DCTN1: variants seen among roughly 807,000 people sequenced by gnomAD.
The protein encoded by DCTN1 is dynactin subunit 1, also known as 150 kDa dynein-associated polypeptide.
DCTN1 carries 61 observed loss-of-function variants against 161.2 expected under a neutral mutation model. The ratio of observed to expected loss-of-function variants is 0.38; its 90% CI spans 0.31 to 0.47. DCTN1 has a LOEUF of 0.47. Among genes scored for constraint, DCTN1 ranks in the 20% least tolerant of loss-of-function variants. The probability of loss-of-function intolerance (pLI) is 0.99; values close to 1 mark genes in which losing one functional copy is unlikely to be tolerated. For missense variants in DCTN1, 1,404 were observed against 1,623.7 expected, an observed-to-expected ratio of 0.86 and a Z score of 2.33; for synonymous variants, 653 against 632.4, an observed-to-expected ratio of 1.03 and a Z score of -0.49.
At chr2:74,375,931 G>C (rs754047645) in intron 5 of DCTN1, among the ~76,000 whole-genome samples, 1 of 152,146 alleles carries the variant, frequency 6.6e-6, no homozygotes, top group Non-Finnish European at 1.5e-5. Flanking sequence ...ATAGGCTGAC[G>C]ACAAGGAAAT....
chr2:74,363,254 G>A, intron 28 of DCTN1, 40 bp downstream of exon 28: 3 of 1,614,040 alleles, frequency 1.9e-6, no homozygotes, highest in African/African-American at 1.3e-5. Context: ...GGGCAAATAT[G>A]CTCCATCTCC....
Position 74,369,080 on chromosome 2 carries a change from C to T in DCTN1, c.1701+18G>A, listed in dbSNP as rs370909293. ...TCATCCCAGGCAGGGCTCCCTCAGA[C>T]CCACACACTTTCCTGACCTTGGCAT... is the stretch of plus-strand genomic sequence containing the variant. On this transcript the variant is annotated intron_variant, in intron 15 of 31. Transcript: ENST00000628224. The surrounding 1 kb of genome is among the most constrained non-coding windows in gnomAD (Gnocchi z 4.9). The T allele has an allele frequency of 3.1e-6, 5 of 1,612,590 alleles. No homozygotes were observed. The African/African-American group carries it at 5.3e-5, about 17-fold the overall frequency.
Position 74,374,600 on chromosome 2 carries a change from C to T in DCTN1, c.415-260G>A, listed in dbSNP as rs527712828. 45 of 1,268,170 alleles carry T rather than the reference C, an allele frequency of 3.5e-5. No individual in the cohort carries two copies. In the Admixed American group the frequency reaches 7.0e-4, roughly 20 times the overall value. The allele number at this position is 1,268,170 out of a possible 1,614,324, so 78.6% of individuals were successfully genotyped here. A position where few individuals can be genotyped will look rare whatever the true frequency, so the allele number is the denominator to read the frequency against. On this transcript the variant is annotated intron_variant, in intron 5 of 31. Coordinates refer to ENST00000628224, the MANE Select transcript of DCTN1 (RefSeq NM_004082.5). The stretch of plus-strand genomic sequence containing the variant: ...CCCCGCAGACGTGCAGCTGGATCGC[C>T]AGGCTCCGGCAGGCACCGGAGCGGT...
Position 74,369,204 on chromosome 2 carries a change from C to G in DCTN1, c.1595G>C (p.Arg532Pro), listed in dbSNP as rs759306485. Residue 532 changes from arginine (R) to proline (P), a missense_variant, in exon 15 of 32, where the codon CGG becomes CCG. Transcript: ENST00000628224. The surrounding 1 kb of genome is among the most constrained non-coding windows in gnomAD (Gnocchi z 4.9). The part of the protein sequence containing the change: ...QLTAHLQDVN[R>P]ELTNQQEASV... Reference sequence around the variant, plus strand: ...TGCTTCCTGCTGGTTTGTCAGTTCCCGATTCACATCCTAGGAGGAGAGACA... The same window carrying G: ...TGCTTCCTGCTGGTTTGTCAGTTCCGGATTCACATCCTAGGAGGAGAGACA... The G allele has an allele frequency of 6.2e-7, 1 of 1,614,054 alleles. No individual in the cohort carries two copies. The highest frequency in any genetic ancestry group is 1.3e-5 in the African/African-American group (1 of 74,906).
chr2:74,377,946 A>T (rs960544927), intron 2 of DCTN1, 54 bp downstream of exon 2: 7 of 1,610,708 alleles, frequency 4.3e-6, no homozygotes, highest in Non-Finnish European at 5.9e-6. Flanking sequence ...CATCAGCTGC[A>T]CATGCGACAG....
At position 74,370,973 on chromosome 2, in the gene DCTN1, T is replaced by C; in HGVS notation, c.843+6A>G. ...CCCCAGCCACCCCCTTCATCCAGAG[T>C]CAAACCTTTCTCGCCTCCTTGAGGC... On this transcript the variant is annotated splice_donor_region_variant and intron_variant, in intron 9 of 31. Coordinates refer to ENST00000628224, the MANE Select transcript of DCTN1 (RefSeq NM_004082.5). The surrounding 1 kb of genome is among the most constrained non-coding windows in gnomAD (Gnocchi z 4.4). The C allele has an allele frequency of 1.2e-6, 2 of 1,613,692 alleles. No homozygotes were observed. Among genetic ancestry groups the C allele is most frequent in the East Asian group, 2.2e-5 (1 of 44,884 alleles).
At chr2:74,382,935 C>T (rs1234706829), upstream of DCTN1, among the ~76,000 whole-genome samples, 4 of 151,554 alleles carry the variant, frequency 2.6e-5, no homozygotes, top group South Asian at 2.1e-4. Context: ...ATTAGCCGGG[C>T]GCGGTGGCGG....
In DCTN1 at chr2:74,368,771, T is replaced by C; in HGVS notation, c.1811A>G (p.Asp604Gly). ...DSFLRPGGDH[D>G]CVLVLLLMPR... ...CATGAGCAACAGCACCAGAACGCAG[T>C]CATGGTCCCCACCTGGCCGAAGGAA... The change falls in exon 16 of 32, where the codon GAC (aspartate) becomes GGC (glycine). Residue 604 changes from aspartate (D) to glycine (G), a missense_variant. Physicochemically the swap from Asp to Gly is moderately conservative, Grantham distance 94. Around this residue, in one of 9 missense-constraint regions of DCTN1, gnomAD observed 278 missense variants for 363.8 expected, o/e 0.76. Coordinates refer to ENST00000628224, the MANE Select transcript of DCTN1 (RefSeq NM_004082.5). 2 of 1,614,232 alleles carry C rather than the reference T, an allele frequency of 1.2e-6. No homozygotes were observed. Among genetic ancestry groups the C allele is most frequent in the Non-Finnish European group, 1.7e-6 (2 of 1,180,044 alleles).
intron 4 of DCTN1, 92 bp downstream of exon 4, chr2:74,377,340 C>G: frequency 8.8e-7 from 1 of 1,137,164 alleles, no homozygotes; most frequent in South Asian, 1.2e-5. Flanking sequence ...TCAGACTCAC[C>G]TACTACTTCT....
chr2:74,383,071 G>C (rs1009878634), upstream of DCTN1, among the ~76,000 whole-genome samples: 18 of 147,914 alleles, frequency 1.2e-4, no homozygotes, highest in Non-Finnish European at 2.1e-4. Context: ...GACAGAGCGA[G>C]ACTCCGTCTC....
chr2:74,387,623 G>C (rs76058934), intron 1 of DCTN1, among the ~76,000 whole-genome samples: 1,733 of 152,250 alleles, frequency 0.011, 38 homozygotes, highest in African/African-American at 0.037. Flanking sequence ...AACCAATTTA[G>C]TCATTATGTC....
intron 23 of DCTN1, 22 bp from the exon 24 acceptor site, chr2:74,366,040 G>A (rs1320907295): frequency 6.2e-7 from 1 of 1,614,178 alleles, no homozygotes; most frequent in South Asian, 1.1e-5. Flanking sequence ...TCGGTAGGGG[G>A]TGAGAAAGTG....
chr2:74,387,746 C>T (rs1226150900), intron 1 of DCTN1, among the ~76,000 whole-genome samples: 2 of 151,092 alleles, frequency 1.3e-5, no homozygotes, highest in South Asian at 2.1e-4. Context: ...AAGAGTCTCC[C>T]GATGTCCCTG....
intron 1 of DCTN1, among the ~76,000 whole-genome samples, chr2:74,378,499 T>C (rs1175718718): frequency 6.6e-6 from 1 of 152,222 alleles, no homozygotes. Flanking sequence ...AAATCAGAAT[T>C]CATTGACCAG....
At chr2:74,365,291 C>A in intron 25 of DCTN1, 50 bp from the exon 26 acceptor site, 1 of 1,608,738 alleles carries the variant, frequency 6.2e-7, no homozygotes. Flanking sequence ...TAAAGCACTC[C>A]TTGACTATTC....
In DCTN1 at chr2:74,374,259, C is replaced by A. The variant is rs1419589125; in HGVS notation, c.432+64G>T. 3 of 1,547,370 alleles carry A rather than the reference C, an allele frequency of 1.9e-6. No homozygotes were observed. In the South Asian group the frequency reaches 3.4e-5, roughly 17 times the overall value. ...AAGTCAATCAGCCCCCACCCCCACC[C>A]CAGCAGCCTGCTGCCACCATTGCCC... is the stretch of plus-strand genomic sequence containing the variant. On this transcript the variant is annotated intron_variant, in intron 6 of 31. Transcript: ENST00000628224.
chr2:74,377,779 A>C lies in DCTN1; in HGVS notation c.280-53T>G. On this transcript the variant is annotated intron_variant, in intron 2 of 31. Transcript: ENST00000628224. ...CAATAGTTTCAATATAGCCAGATCA[A>C]GGACGGCTGTAATATGGGCCCCTCC... is the stretch of plus-strand genomic sequence containing the variant. 5 of 1,561,682 alleles carry C rather than the reference A, an allele frequency of 3.2e-6. No homozygotes were observed. In the South Asian group the frequency reaches 3.3e-5, roughly 10 times the overall value.
chr2:74,374,239 A>T (rs1558945923), intron 6 of DCTN1, 84 bp downstream of exon 6: 1 of 1,211,782 alleles, frequency 8.3e-7, no homozygotes, highest in Admixed American at 1.8e-5. Context: ...AGATGAAGTC[A>T]ATCAGCCCCC....
intron 18 of DCTN1, 84 bp from the exon 19 acceptor site, chr2:74,367,504 A>C (rs1674511218): frequency 6.5e-7 from 1 of 1,536,002 alleles, no homozygotes; most frequent in Admixed American, 1.8e-5. Context: ...AGCCCTGGTC[A>C]TCATGGGTCT....
Sources: allele counts gnomAD v4.1 joint callset (sites outside exome capture counted in the v4.1 genomes callset), GRCh38; gene constraint gnomAD v4.1.1; regional missense constraint gnomAD v4.1.1; non-coding constraint Gnocchi (gnomAD v3.1); transcripts MANE v1.5; gene names NCBI Gene and HGNC (gene_info 2026-07-23, HGNC 2026-07-21).